The following EXOC6B variants were observed in gnomAD, a reference collection of about 807,000 sequenced individuals.
EXOC6B encodes the protein exocyst complex component 6B.
In EXOC6B, 54 loss-of-function variants were observed where a neutral mutation model predicts 113.5. The observed-to-expected ratio is 0.48, with a 90% CI of 0.38 to 0.60. The LOEUF (loss-of-function observed/expected upper bound fraction) is 0.60, where lower values mean the gene tolerates loss of function less well. Among genes scored for constraint, EXOC6B ranks in the 20% least tolerant of loss-of-function variants. EXOC6B has a pLI of 0.00. For missense variants in EXOC6B, 797 were observed against 977.5 expected (o/e 0.82, Z 2.46); for synonymous variants, 357 against 339.0 (o/e 1.05, Z -0.58).
chr2:72,808,062 T>G (rs965194380), intron 1 of EXOC6B, among the ~76,000 whole-genome samples: 9 of 152,178 alleles, frequency 5.9e-5, no homozygotes, highest in African/African-American at 2.2e-4. Context: ...ACATCTCCTA[T>G]AGCCCATAAG....
At position 72,760,810 on chromosome 2, in the gene EXOC6B, T is replaced by A. The variant is rs528478731; in HGVS notation, c.114-19341A>T. Among the ~76,000 whole-genome samples the A allele has an allele frequency of 4.6e-5, 7 of 152,272 alleles. No individual in the cohort carries two copies. In the South Asian group the frequency reaches 1.5e-3, roughly 32 times the overall value. ...TTCTGAAAAGAGAGACCACTAAAAC[T>A]GCATGATTAGTTCAATACAAGGAAT... On this transcript the variant is annotated intron_variant, in intron 1 of 21. Transcript: ENST00000272427.
chr2:72,740,444 T>G (rs1478026308), intron 2 of EXOC6B, among the ~76,000 whole-genome samples: 1 of 152,186 alleles, frequency 6.6e-6, no homozygotes, highest in Non-Finnish European at 1.5e-5. Flanking sequence ...CTTACTGAAG[T>G]AGTTAGATTT....
Position 72,514,628 on chromosome 2 carries a change from A to AG in EXOC6B, c.1046+5_1046+6insC. The AG allele has an allele frequency of 1.4e-6, 1 of 715,188 alleles. No individual in the cohort carries two copies. The highest frequency in any genetic ancestry group is 3.9e-5 in the East Asian group (1 of 25,774). The allele number at this position is 715,188 out of a possible 1,614,324, so 44.3% of individuals were successfully genotyped here. On this transcript the variant is annotated splice_donor_region_variant and intron_variant, in intron 10 of 21. Coordinates refer to ENST00000272427, the MANE Select transcript of EXOC6B (RefSeq NM_015189.3). ...TAAATATATATATATATATATATAT[A>AG]CCTACCCTACAATTTGATTAAAATA...
At chr2:72,720,582 T>C (rs1378476620) in intron 5 of EXOC6B, among the ~76,000 whole-genome samples, 1 of 152,062 alleles carries the variant, frequency 6.6e-6, no homozygotes, top group Non-Finnish European at 1.5e-5. Context: ...ACCTCATCTC[T>C]ACCAAAAAAA....
Position 72,547,381 on chromosome 2 carries a change from A to G in EXOC6B, c.915+12072T>C, listed in dbSNP as rs570292370. Among the ~76,000 whole-genome samples, 3 of 152,336 alleles carry G rather than the reference A, an allele frequency of 2.0e-5. No homozygotes were observed. The East Asian group carries it at 5.8e-4, about 29-fold the overall frequency. On this transcript the variant is annotated intron_variant, in intron 8 of 21. Transcript: ENST00000272427. ...TAAACTTTTTATTATAGTATAACAC[A>G]TACGCAGAAAAGAACATTAATCAAA...
At chr2:72,286,638 T>C (rs1474423242) in intron 20 of EXOC6B, among the ~76,000 whole-genome samples, 1 of 152,100 alleles carries the variant, frequency 6.6e-6, no homozygotes, top group African/African-American at 2.4e-5. Flanking sequence ...CTCATGCAAA[T>C]TATCAATTTT....
chr2:72,535,253 A>C (rs1438810526), intron 8 of EXOC6B, among the ~76,000 whole-genome samples: 1 of 152,234 alleles, frequency 6.6e-6, no homozygotes, highest in Non-Finnish European at 1.5e-5. Flanking sequence ...TGAAACCCAC[A>C]GGTACAGAAT....
rs116984267 is a variant in EXOC6B at position 72,193,251 on chromosome 2, C to T, written c.2197-9064G>A. On this transcript the variant is annotated intron_variant, in intron 20 of 21. Transcript: ENST00000272427. The stretch of plus-strand genomic sequence containing the variant: ...GTGGAATCATAATAGCTTCTATCAG[C>T]AGCTGAGAGCAGATTAAGAGAACAA... Among the ~76,000 whole-genome samples the T allele has an allele frequency of 6.2e-4, 94 of 152,264 alleles. 1 individual carries two copies. The East Asian group carries it at 0.016, about 27-fold the overall frequency.
chr2:72,394,787 C>T lies in EXOC6B; in HGVS notation c.1981-14917G>A, dbSNP rs201769209. The stretch of plus-strand genomic sequence containing the variant: ...GTCATGATGAAATAATCTACAAAGC[C>T]CTATTAGTTCCTGTTTTCTGACCCT... On this transcript the variant is annotated intron_variant, in intron 18 of 21. Coordinates refer to ENST00000272427, the MANE Select transcript of EXOC6B (RefSeq NM_015189.3). Among the ~76,000 whole-genome samples, 6 of 152,146 alleles carry T rather than the reference C, an allele frequency of 3.9e-5. No individual in the cohort carries two copies. The East Asian group carries it at 1.2e-3, about 29-fold the overall frequency.
chr2:72,669,317 T>G (rs953601064), intron 6 of EXOC6B, among the ~76,000 whole-genome samples: 1 of 151,460 alleles, frequency 6.6e-6, no homozygotes, highest in Non-Finnish European at 1.5e-5. Flanking sequence ...AATATCGAAT[T>G]AGTCATAGAA....
chr2:72,771,559 T>G (rs1683404837), intron 1 of EXOC6B, among the ~76,000 whole-genome samples: 1 of 152,242 alleles, frequency 6.6e-6, no homozygotes. Flanking sequence ...GCATTTTCAT[T>G]TCCTACTGGA....
At position 72,347,832 on chromosome 2, in the gene EXOC6B, G is replaced by A. The variant is rs530877920; in HGVS notation, c.2123-12812C>T. ...CTAGATGACATTGATTATAACAAAC[G>A]GAAACCAAAATGAAGTACGTAAAGA... On this transcript the variant is annotated intron_variant, in intron 19 of 21. Transcript: ENST00000272427. Among the ~76,000 whole-genome samples the A allele has an allele frequency of 5.9e-5, 9 of 151,968 alleles. No individual in the cohort carries two copies. The South Asian group carries it at 1.0e-3, about 18-fold the overall frequency.
chr2:72,186,538 T>TA (rs35998544), intron 20 of EXOC6B, among the ~76,000 whole-genome samples: 42,324 of 149,124 alleles, frequency 0.28, 6,265 homozygotes, highest in African/African-American at 0.33. Flanking sequence ...TTTTCACAAA[T>TA]AAAAAAAAAA....
intron 18 of EXOC6B, among the ~76,000 whole-genome samples, chr2:72,455,069 A>T (rs1697136928): frequency 6.6e-6 from 1 of 152,210 alleles, no homozygotes; most frequent in South Asian, 2.1e-4. Flanking sequence ...AACGAAAAAA[A>T]AAAATCTTGA....
chr2:72,375,502 A>AGTATTAAT, intron 19 of EXOC6B, among the ~76,000 whole-genome samples: 1 of 152,226 alleles, frequency 6.6e-6, no homozygotes. Context: ...CTAAAACAGA[A>AGTATTAAT]GTATTAATGT....
intron 18 of EXOC6B, among the ~76,000 whole-genome samples, chr2:72,401,609 A>G (rs1189218840): frequency 6.4e-5 from 3 of 46,596 alleles, no homozygotes; most frequent in Non-Finnish European, 9.8e-5. Flanking sequence ...ATATGTGTAT[A>G]TATATATATA....
intron 1 of EXOC6B, among the ~76,000 whole-genome samples, chr2:72,802,435 T>C (rs1685338688): frequency 6.6e-6 from 1 of 152,122 alleles, no homozygotes; most frequent in Non-Finnish European, 1.5e-5. Context: ...TATATATCTG[T>C]ATCTATTGTG....
chr2:72,732,305 C>T (rs1040823994), intron 3 of EXOC6B, among the ~76,000 whole-genome samples: 16 of 151,982 alleles, frequency 1.1e-4, no homozygotes, highest in African/African-American at 1.4e-4. Context: ...TGCACCTCCA[C>T]GCCTGGTTAT....
chr2:72,581,480 T>C (rs1705221051), intron 6 of EXOC6B, among the ~76,000 whole-genome samples: 1 of 152,186 alleles, frequency 6.6e-6, no homozygotes, highest in African/African-American at 2.4e-5. Context: ...AATAGACAAA[T>C]AGTTTTCTTA....
Sources: gnomAD v4.1 joint callset for allele counts (sites outside exome capture counted in the v4.1 genomes callset) on GRCh38, gnomAD v4.1.1 for gene constraint, MANE v1.5 for transcripts, NCBI Gene and HGNC (gene_info 2026-07-23, HGNC 2026-07-21) for gene names.